Variants in KDM4C observed in about 807,000 individuals in gnomAD.
KDM4C encodes lysine-specific demethylase 4C.
In KDM4C, 81 loss-of-function variants were observed where a neutral mutation model predicts 129.3. That is an observed-to-expected ratio of 0.63 (90% confidence interval 0.52 to 0.75). The LOEUF is 0.75. Among genes scored for constraint, KDM4C ranks in the 30% least tolerant of loss-of-function variants. The pLI is 0.00. For missense variants in KDM4C, 1,457 were observed against 1,304.0 expected, an observed-to-expected ratio of 1.12 and a Z score of -1.81; for synonymous variants, 573 against 456.1, an observed-to-expected ratio of 1.26 and a Z score of -3.26.
chr9:7,019,293 C>G (rs1462913876), intron 15 of KDM4C, among the ~76,000 whole-genome samples: 2 of 152,146 alleles, frequency 1.3e-5, no homozygotes, highest in Non-Finnish European at 2.9e-5. Flanking sequence ...AGCAATCAAT[C>G]TCATATCTTC....
chr9:6,876,585 C>T (rs28412017), intron 5 of KDM4C, among the ~76,000 whole-genome samples: 1 of 152,134 alleles, frequency 6.6e-6, no homozygotes, highest in Non-Finnish European at 1.5e-5. Flanking sequence ...TCTCTCTCTT[C>T]TCATGGCATG....
chr9:6,780,769 A>AG (rs1491479245), intron 1 of KDM4C, among the ~76,000 whole-genome samples: 1 of 36,180 alleles, frequency 2.8e-5, no homozygotes, highest in Non-Finnish European at 6.6e-5. Context: ...ACTCCCTCTC[A>AG]AAAAAAAAAA....
chr9:7,108,467 A>G (rs911499686), intron 18 of KDM4C, among the ~76,000 whole-genome samples: 2 of 151,734 alleles, frequency 1.3e-5, no homozygotes, highest in South Asian at 4.2e-4. Flanking sequence ...GAACTTTTGG[A>G]CTCGAGCGAT....
chr9:7,103,731 G>A lies in KDM4C; in HGVS notation c.2471G>A (p.Cys824Tyr), dbSNP rs1403345344. ...RHRVKRVSGA[C>Y]IQCSYGRCPA... ...CGGGTTAAGAGGGTCTCTGGAGCCT[G>A]CATCCAGTGTTCCTACGGTCGCTGC... Residue 824 changes from cysteine (C) to tyrosine (Y), a missense_variant, in exon 18 of 22, where the codon TGC (cysteine) becomes TAC (tyrosine). Cys to Tyr is a radical substitution (Grantham distance 194, BLOSUM62 -2). Transcript: ENST00000381309. 3 of 1,613,892 alleles carry A rather than the reference G, an allele frequency of 1.9e-6. No homozygotes were observed. Among genetic ancestry groups the A allele is most frequent in the African/African-American group, 1.3e-5 (1 of 74,922 alleles).
chr9:6,884,719 G>C (rs1291916830), intron 6 of KDM4C, among the ~76,000 whole-genome samples: 2 of 152,020 alleles, frequency 1.3e-5, no homozygotes, highest in African/African-American at 4.8e-5. Context: ...CCAAATTAGT[G>C]TTTGTATACC....
At chr9:7,019,774 T>TTATATATAAAAATATAATATTTG (rs1824433562) in intron 15 of KDM4C, among the ~76,000 whole-genome samples, 1 of 130,598 alleles carries the variant, frequency 7.7e-6, no homozygotes, top group Non-Finnish European at 1.6e-5. Flanking sequence ...TATAATATTT[T>TTATATATAAAAATATAATATTTG]TATATATAAA....
intron 8 of KDM4C, among the ~76,000 whole-genome samples, chr9:6,903,159 C>G (rs966921436): frequency 9.2e-5 from 14 of 152,014 alleles, no homozygotes; most frequent in Admixed American, 2.0e-4. Context: ...TTTTGTAAGG[C>G]CTGATAATCA....
intron 8 of KDM4C, among the ~76,000 whole-genome samples, chr9:6,900,504 A>G (rs570065488): frequency 1.3e-5 from 2 of 152,278 alleles, no homozygotes; most frequent in East Asian, 3.9e-4. Context: ...GCATGGTGGC[A>G]TACGCCTGTC....
chr9:6,994,409 C>G (rs1011645322), intron 12 of KDM4C, among the ~76,000 whole-genome samples: 1 of 152,144 alleles, frequency 6.6e-6, no homozygotes, highest in Non-Finnish European at 1.5e-5. Context: ...CTTGTCACCA[C>G]TCACCTCTCC....
chr9:6,793,231 A>G, intron 2 of KDM4C, 99 bp downstream of exon 2: 1 of 1,310,242 alleles, frequency 7.6e-7, no homozygotes, highest in Non-Finnish European at 1.1e-6. Context: ...GAAGGAAGAA[A>G]TTTGCAAAAT....
Position 6,924,177 on chromosome 9 carries a change from T to C in KDM4C, c.921+30945T>C, listed in dbSNP as rs531377320. On this transcript the variant is annotated intron_variant, in intron 8 of 21. Coordinates refer to ENST00000381309, the MANE Select transcript of KDM4C (RefSeq NM_015061.6). ...ATTTTAATACAGAATAAGAACATAC[T>C]GGAGAGAGAAAGTGGTTACTGGTTG... is the stretch of plus-strand genomic sequence containing the variant. Among the ~76,000 whole-genome samples the C allele has an allele frequency of 3.3e-5, 5 of 152,316 alleles. No homozygotes were observed. The East Asian group carries it at 9.6e-4, about 29-fold the overall frequency.
At chr9:6,977,126 G>C (rs1057435727) in intron 8 of KDM4C, among the ~76,000 whole-genome samples, 11 of 152,142 alleles carry the variant, frequency 7.2e-5, no homozygotes, top group African/African-American at 2.7e-4. Flanking sequence ...GGGACTACAG[G>C]TTATAGCCAT....
chr9:6,883,789 T>C (rs1011885680), intron 6 of KDM4C, among the ~76,000 whole-genome samples: 7 of 152,080 alleles, frequency 4.6e-5, no homozygotes, highest in Non-Finnish European at 1.0e-4. Context: ...TCCTGGTTAG[T>C]TTAACTCTGA....
intron 8 of KDM4C, among the ~76,000 whole-genome samples, chr9:6,928,669 T>C (rs1221531756): frequency 6.6e-6 from 1 of 152,186 alleles, no homozygotes; most frequent in African/African-American, 2.4e-5. Context: ...TGCTTTGTTA[T>C]TGTCGTGCCC....
At chr9:7,077,756 C>T (rs1344905311) in intron 17 of KDM4C, among the ~76,000 whole-genome samples, 1 of 152,208 alleles carries the variant, frequency 6.6e-6, no homozygotes, top group Non-Finnish European at 1.5e-5. Context: ...ATCAAGGCAA[C>T]ACAGTGCATG....
chr9:7,139,710 T>C (rs1328259217), intron 19 of KDM4C, among the ~76,000 whole-genome samples: 1 of 152,228 alleles, frequency 6.6e-6, no homozygotes. Context: ...TCCTTACAGT[T>C]TTAAAATGTA....
intron 1 of KDM4C, among the ~76,000 whole-genome samples, chr9:6,766,644 A>G (rs998636072): frequency 6.6e-6 from 1 of 152,144 alleles, no homozygotes; most frequent in African/African-American, 2.4e-5. Flanking sequence ...TGGATCTGAA[A>G]TGCTTGTGTC....
chr9:7,042,865 C>T (rs1003389909), intron 15 of KDM4C, among the ~76,000 whole-genome samples: 1 of 151,960 alleles, frequency 6.6e-6, no homozygotes, highest in Admixed American at 6.6e-5. Context: ...AATGCTTTAA[C>T]CCATGGTCCT....
At chr9:7,117,141 G>A (rs990977407) in intron 18 of KDM4C, among the ~76,000 whole-genome samples, 3 of 152,064 alleles carry the variant, frequency 2.0e-5, no homozygotes, top group Non-Finnish European at 4.4e-5. Context: ...CAGAATCAGA[G>A]CACATGGCAT....
Sources: gnomAD v4.1 joint callset for allele counts (sites outside exome capture counted in the v4.1 genomes callset) on GRCh38, gnomAD v4.1.1 for gene constraint, MANE v1.5 for transcripts, NCBI Gene and HGNC (gene_info 2026-07-23, HGNC 2026-07-21) for gene names.